LOXL3: variants seen among roughly 807,000 people sequenced by gnomAD.
LOXL3 encodes lysyl oxidase homolog 3.
Under a neutral mutation model 91.8 loss-of-function variants are expected in LOXL3, and 60 were observed. That is an observed-to-expected ratio of 0.65 (90% CI 0.53 to 0.81). The LOEUF is 0.81. Ranked by LOEUF, LOXL3 falls within the 30% of genes least tolerant of loss-of-function variation. The probability of loss-of-function intolerance (pLI) is 0.00; values close to 1 mark genes in which losing one functional copy is unlikely to be tolerated. For missense variants in LOXL3, 874 were observed against 1,000.4 expected (o/e 0.87, Z 1.70); for synonymous variants, 355 against 387.6 (o/e 0.92, Z 0.99).
At chr2:74,540,170 T>C (rs561411839) in intron 4 of LOXL3, among the ~76,000 whole-genome samples, 1 of 152,300 alleles carries the variant, frequency 6.6e-6, no homozygotes, top group African/African-American at 2.4e-5. Context: ...TCATAGCTGC[T>C]TGGCCTCTTC....
At chr2:74,553,004 TGAGA>T (rs1032521443) in intron 1 of LOXL3, 4 of 232,742 alleles carry the variant, frequency 1.7e-5, no homozygotes, top group Non-Finnish European at 2.5e-5. Flanking sequence ...ACTGTGGGAA[TGAGA>T]GAGAGAAAAC....
chr2:74,550,346 G>T lies in LOXL3; in HGVS notation c.316C>A (p.Arg106Ser). The change falls in exon 3 of 14, where the codon CGC (arginine) becomes AGC (serine). Residue 106 changes from arginine to serine, a missense_variant and splice_region_variant. By Grantham distance (110) the Arg-to-Ser change is moderately radical. Transcript: ENST00000264094. ...CAGCTCAAGTTGTCCAGCCAGATGCGGCCTGTGGAAGGGGAGATGAAGGGA... is the reference window on the plus strand; with the variant it reads ...CAGCTCAAGTTGTCCAGCCAGATGCTGCCTGTGGAAGGGGAGATGAAGGGA... Reference protein sequence around the residue: ...HSAKYGPGTGRIWLDNLSCSG... With the variant: ...HSAKYGPGTGSIWLDNLSCSG... 6.2e-7 allele frequency: 1 copy of T among 1,612,994 alleles called. No individual in the cohort carries two copies. The highest frequency in any genetic ancestry group is 1.3e-5 in the African/African-American group (1 of 75,020).
chr2:74,552,523 C>G lies in LOXL3; in HGVS notation c.112G>C (p.Gly38Arg). ...AGCCGGAACCGAAGCCCCTGGCTCC[C>G]GGCCTTCTTCTCAGGGCCCGTGGAA... ...SPSTGPEKKA[G>R]SQGLRFRLAG... The change falls in exon 2 of 14, where the codon GGG becomes CGG. Residue 38 changes from glycine to arginine, a missense_variant. Coordinates refer to ENST00000264094, the MANE Select transcript of LOXL3 (RefSeq NM_032603.5). The G allele has an allele frequency of 6.2e-7, 1 of 1,613,332 alleles. No homozygotes were observed. Among genetic ancestry groups the G allele is most frequent in the East Asian group, 2.2e-5 (1 of 44,884 alleles).
chr2:74,533,567 C>G lies in LOXL3; in HGVS notation c.*39G>C, dbSNP rs778022625. 4.4e-6 allele frequency: 7 copies of G among 1,594,484 alleles called. No homozygotes were observed. In the South Asian group the frequency reaches 7.8e-5, roughly 18 times the overall value. ...GGTAATGGCAGCCTCAGACCCCTGC[C>G]ATTAGGGGCCAGTGGTGGTTTGCAG... On this transcript the variant is annotated 3_prime_UTR_variant, in exon 14 of 14. Transcript: ENST00000264094.
chr2:74,535,790 CT>C lies in LOXL3; in HGVS notation c.1249-36del, dbSNP rs1383463419. 6.5e-7 allele frequency: 1 copy of C among 1,530,578 alleles called. No homozygotes were observed. Among genetic ancestry groups the C allele is most frequent in the East Asian group, 2.3e-5 (1 of 44,302 alleles). 94.8% of individuals were successfully genotyped at this position (1,530,578 alleles called of 1,614,324 possible). On this transcript the variant is annotated intron_variant, in intron 7 of 13. Transcript: ENST00000264094. This position sits in a 1 kb window ranked among gnomAD's most constrained non-coding sequence, Gnocchi z 4.2. Reference sequence around the variant, plus strand: ...CACAGAATGGAAGCGCTGGAGAAAGCTTTGGGGTGAGGTAGTGGGAGTCTCT... The same window carrying C: ...CACAGAATGGAAGCGCTGGAGAAAGCTTGGGGTGAGGTAGTGGGAGTCTCT...
chr2:74,552,041 A>T (rs938210446), intron 2 of LOXL3, among the ~76,000 whole-genome samples: 3 of 152,192 alleles, frequency 2.0e-5, no homozygotes, highest in Admixed American at 6.5e-5. Flanking sequence ...TGTTTTGTGG[A>T]TGGCTTTGTA....
chr2:74,555,388 C>A, upstream of LOXL3: 1 of 1,612,450 alleles, frequency 6.2e-7, no homozygotes, highest in East Asian at 2.2e-5. The surrounding 1 kb of genome is among the most constrained non-coding windows in gnomAD (Gnocchi z 6.1). Flanking sequence ...GCGCTCGCAC[C>A]TGCTGGCGGC....
chr2:74,555,661 C>T (rs1189032352), upstream of LOXL3: 2 of 1,613,990 alleles, frequency 1.2e-6, no homozygotes, highest in Admixed American at 1.7e-5. This position sits in a 1 kb window ranked among gnomAD's most constrained non-coding sequence, Gnocchi z 6.1. Context: ...ACAGCCCTAC[C>T]TGGGAAGGTA....
At chr2:74,555,692 A>G (rs6706046), upstream of LOXL3, 25,412 of 1,613,392 alleles carry the variant, frequency 0.016, 1,376 homozygotes, top group African/African-American at 0.18. This position sits in a 1 kb window ranked among gnomAD's most constrained non-coding sequence, Gnocchi z 6.1. Context: ...AAGCCCGGGC[A>G]GGGATGGAGT....
intron 2 of LOXL3, among the ~76,000 whole-genome samples, chr2:74,551,158 T>A (rs1676984464): frequency 1.3e-5 from 2 of 152,214 alleles, no homozygotes; most frequent in Admixed American, 1.3e-4. Flanking sequence ...GGTCTCGAAC[T>A]CCTGACCTCA....
chr2:74,554,304 C>T (rs752836449), upstream of LOXL3: 1 of 164,670 alleles, frequency 6.1e-6, no homozygotes, highest in Non-Finnish European at 1.3e-5. This position sits in a 1 kb window ranked among gnomAD's most constrained non-coding sequence, Gnocchi z 4.9. Context: ...CCCGGGCCAG[C>T]GGAGTCTAAA....
intron 4 of LOXL3, among the ~76,000 whole-genome samples, chr2:74,547,157 C>T (rs533541898): frequency 2.6e-5 from 4 of 151,966 alleles, no homozygotes; most frequent in Non-Finnish European, 4.4e-5. Flanking sequence ...ACTACAGGCA[C>T]GCACCACCAT....
chr2:74,554,912 C>T (rs1400944808), upstream of LOXL3: 14 of 1,561,340 alleles, frequency 9.0e-6, no homozygotes, highest in Non-Finnish European at 1.1e-5. This position sits in a 1 kb window ranked among gnomAD's most constrained non-coding sequence, Gnocchi z 4.9. Context: ...AGAGCGGCGC[C>T]GGGAGTTGGA....
rs1286943488 is a variant in LOXL3 at position 74,534,083 on chromosome 2, C to G, written c.2076+17G>C. The stretch of plus-strand genomic sequence containing the variant: ...CTCCCCCCACTCACCCATCTGGAAG[C>G]CCCAGACTCCAGGTACCTGGAGAAT... On this transcript the variant is annotated intron_variant, in intron 12 of 13. Transcript: ENST00000264094. 1.2e-6 allele frequency: 2 copies of G among 1,613,492 alleles called. No homozygotes were observed. Among genetic ancestry groups the G allele is most frequent in the African/African-American group, 1.3e-5 (1 of 74,912 alleles).
In LOXL3 at chr2:74,534,853, G is replaced by A. The variant is rs1226600231; in HGVS notation, c.1580-79C>T. The stretch of plus-strand genomic sequence containing the variant: ...GGGTGCTTCCATCCCTCCCTAGTGT[G>A]TAAGACTAGTTTTTTGTTTTTGTTT... On this transcript the variant is annotated intron_variant, in intron 9 of 13. Transcript: ENST00000264094. 4.1e-6 allele frequency: 6 copies of A among 1,462,484 alleles called. No homozygotes were observed. The Admixed American group carries it at 1.0e-4, about 25-fold the overall frequency. 90.6% of individuals were successfully genotyped at this position (1,462,484 alleles called of 1,614,324 possible).
At chr2:74,551,004 C>G (rs900050865) in intron 2 of LOXL3, among the ~76,000 whole-genome samples, 3 of 151,504 alleles carry the variant, frequency 2.0e-5, no homozygotes, top group African/African-American at 7.3e-5. Context: ...ATGATCTCAG[C>G]TCACTGCAAC....
rs141075927 is a variant in LOXL3, at chr2:74,550,257, C to T, written c.405G>A (p.Thr135=). ...ASRGWGNSDC[T]HDEDAGVICK... ...AGATGACCCCAGCATCCTCATCGTG[C>T]GTACAGTCACTGTTCCCCCAGCCCC... Residue 135 remains threonine (T), a synonymous_variant, in exon 3 of 14, where the codon ACG becomes ACA. Transcript: ENST00000264094. 1.5e-3 allele frequency: 2,497 copies of T among 1,614,194 alleles called. 11 individuals carry two copies. The highest frequency in any genetic ancestry group is 8.4e-3 in the Middle Eastern group (51 of 6,062).
rs1676817733 is a variant in LOXL3, at chr2:74,549,146, C to G, written c.692+223G>C. The G allele has an allele frequency of 7.0e-6, 3 of 429,754 alleles. No homozygotes were observed. The highest frequency in any genetic ancestry group is 1.2e-5 in the Non-Finnish European group (3 of 251,334). 26.6% of individuals were successfully genotyped at this position (429,754 alleles called of 1,614,324 possible). ...CGCCCAGGCGTCGGCCACGAGAGAG[C>G]GGGAGCCTCGCTGGTCCCCATTTCA... On this transcript the variant is annotated intron_variant, in intron 4 of 13. Transcript: ENST00000264094. The surrounding 1 kb of genome is among the most constrained non-coding windows in gnomAD (Gnocchi z 5.3).
Position 74,552,645 on chromosome 2 carries a change from G to T in LOXL3, c.-11C>A, listed in dbSNP as rs777718960. 3.9e-6 allele frequency: 6 copies of T among 1,529,428 alleles called. No homozygotes were observed. Among genetic ancestry groups the T allele is most frequent in the Admixed American group, 4.0e-5 (2 of 49,842 alleles). The allele number at this position is 1,529,428 out of a possible 1,614,324, so 94.7% of individuals were successfully genotyped here. ...ACTGACAGGTCGCATGGCAGGGAAG[G>T]CCTGGGTGCCCCAGAGACAAAGTGT... is the stretch of plus-strand genomic sequence containing the variant. On this transcript the variant is annotated splice_region_variant and 5_prime_UTR_variant, in exon 2 of 14. Transcript: ENST00000264094.
Sources: gnomAD v4.1 joint callset for allele counts (sites outside exome capture counted in the v4.1 genomes callset) on GRCh38, gnomAD v4.1.1 for gene constraint, Gnocchi (gnomAD v3.1) non-coding constraint, MANE v1.5 for transcripts, NCBI Gene and HGNC (gene_info 2026-07-23, HGNC 2026-07-21) for gene names.